The following CAMK2D variants were observed in gnomAD, a reference collection of about 807,000 sequenced individuals.
CAMK2D encodes calcium/calmodulin-dependent protein kinase type II subunit delta.
CAMK2D carries 37 observed loss-of-function variants against 84.0 expected under a neutral mutation model. The observed-to-expected ratio is 0.44, with a 90% confidence interval of 0.34 to 0.58. The LOEUF (loss-of-function observed/expected upper bound fraction) is 0.58. Ranked by LOEUF, CAMK2D falls within the 20% of genes least tolerant of loss-of-function variation. CAMK2D has a pLI of 0.02. For synonymous variants in CAMK2D, 202 were observed against 212.5 expected (o/e 0.95, Z 0.43); for missense variants, 448 against 652.5 (o/e 0.69, Z 3.41).
At chr4:113,639,466 C>A (rs2099123469) in intron 3 of CAMK2D, among the ~76,000 whole-genome samples, 1 of 151,968 alleles carries the variant, frequency 6.6e-6, no homozygotes, top group African/African-American at 2.4e-5. Flanking sequence ...ACCAGAGCCA[C>A]TACTAGCCTG....
intron 13 of CAMK2D, among the ~76,000 whole-genome samples, chr4:113,506,902 C>A (rs946496823): frequency 8.6e-5 from 12 of 139,770 alleles, no homozygotes; most frequent in African/African-American, 2.0e-4. Context: ...CCCCCCCCCA[C>A]ACACACACAC....
At chr4:113,560,279 C>A (rs1249013387) in intron 4 of CAMK2D, among the ~76,000 whole-genome samples, 1 of 151,296 alleles carries the variant, frequency 6.6e-6, no homozygotes, top group African/African-American at 2.4e-5. Context: ...GAGAGTTAAA[C>A]TTTGTCATTA....
At chr4:113,509,401 T>A (rs912168503) in intron 13 of CAMK2D, among the ~76,000 whole-genome samples, 2 of 152,202 alleles carry the variant, frequency 1.3e-5, no homozygotes, top group East Asian at 3.8e-4. Context: ...CTATATTGTA[T>A]AACAACATTA....
chr4:113,498,743 TA>T (rs1359373334), intron 16 of CAMK2D, among the ~76,000 whole-genome samples: 1 of 152,228 alleles, frequency 6.6e-6, no homozygotes, highest in African/African-American at 2.4e-5. Flanking sequence ...CTGATATTAT[TA>T]TTTCATTTTA....
At chr4:113,479,364 T>C (rs532410250) in intron 16 of CAMK2D, among the ~76,000 whole-genome samples, 6 of 152,288 alleles carry the variant, frequency 3.9e-5, no homozygotes, top group South Asian at 4.1e-4. Flanking sequence ...CAGTTGAACA[T>C]ATCCAGAGAT....
At chr4:113,641,250 T>C (rs769327022) in intron 3 of CAMK2D, among the ~76,000 whole-genome samples, 1 of 152,210 alleles carries the variant, frequency 6.6e-6, no homozygotes, top group African/African-American at 2.4e-5. Flanking sequence ...ACATGAACTT[T>C]GGAATCAAAC....
intron 2 of CAMK2D, among the ~76,000 whole-genome samples, chr4:113,755,809 C>T (rs960754196): frequency 6.6e-6 from 1 of 151,948 alleles, no homozygotes; most frequent in Non-Finnish European, 1.5e-5. Context: ...ACTAATCTAA[C>T]TGTGCTTGGG....
intron 20 of CAMK2D, 119 bp downstream of exon 20, chr4:113,455,607 T>C: frequency 1.8e-6 from 1 of 557,336 alleles, no homozygotes; most frequent in Non-Finnish European, 3.2e-6. Context: ...TTCAAAGACC[T>C]TGTGCGTTTT....
chr4:113,580,295 T>C, intron 4 of CAMK2D, among the ~76,000 whole-genome samples: 1 of 152,208 alleles, frequency 6.6e-6, no homozygotes, highest in Non-Finnish European at 1.5e-5. Context: ...TGCTGAGTGT[T>C]CTCAAATACA....
chr4:113,520,844 A>G (rs776733208), intron 8 of CAMK2D, among the ~76,000 whole-genome samples: 4 of 152,086 alleles, frequency 2.6e-5, no homozygotes, highest in Non-Finnish European at 5.9e-5. Flanking sequence ...CCTAGCCAAC[A>G]TAGCAAGACC....
chr4:113,540,033 A>G (rs778847737), intron 6 of CAMK2D, among the ~76,000 whole-genome samples: 1 of 152,164 alleles, frequency 6.6e-6, no homozygotes, highest in Non-Finnish European at 1.5e-5. Context: ...TGATTTCTAT[A>G]TAACTGTTTG....
chr4:113,466,010 G>C (rs1309376443), intron 16 of CAMK2D, among the ~76,000 whole-genome samples: 2 of 152,124 alleles, frequency 1.3e-5, no homozygotes, highest in Non-Finnish European at 2.9e-5. Context: ...CCAGCACTTT[G>C]GGAGGCCGAG....
At position 113,761,123 on chromosome 4, in the gene CAMK2D, C is replaced by A. The variant is rs2099640554; in HGVS notation, c.-55G>T. 1 of 1,611,430 alleles carries A rather than the reference C, an allele frequency of 6.2e-7. No individual in the cohort carries two copies. Among genetic ancestry groups the A allele is most frequent in the Non-Finnish European group, 8.5e-7 (1 of 1,179,816 alleles). ...GCGCGACGGACCAGAAGCGAGCAGACGCGCGGCTAACCCCGGGACTGGCCC... is the reference window on the plus strand; with the variant it reads ...GCGCGACGGACCAGAAGCGAGCAGAAGCGCGGCTAACCCCGGGACTGGCCC... On this transcript the variant is annotated 5_prime_UTR_variant, in exon 1 of 21. Transcript: ENST00000511664.
At chr4:113,688,808 G>A (rs2099367897) in intron 2 of CAMK2D, among the ~76,000 whole-genome samples, 1 of 148,362 alleles carries the variant, frequency 6.7e-6, no homozygotes, top group Non-Finnish European at 1.5e-5. Context: ...AAAGCTAAGA[G>A]AGATTTTTAA....
intron 2 of CAMK2D, among the ~76,000 whole-genome samples, chr4:113,756,843 A>C (rs543002497): frequency 2.6e-5 from 4 of 152,258 alleles, no homozygotes; most frequent in African/African-American, 7.2e-5. Context: ...ATTCAATATG[A>C]GTACAAGTTA....
At chr4:113,758,499 G>A (rs576185119) in intron 2 of CAMK2D, among the ~76,000 whole-genome samples, 5 of 152,064 alleles carry the variant, frequency 3.3e-5, no homozygotes, top group East Asian at 3.8e-4. Flanking sequence ...TGAGATGAGC[G>A]TACACTATGG....
intron 3 of CAMK2D, among the ~76,000 whole-genome samples, chr4:113,620,652 C>T (rs1322403805): frequency 2.0e-5 from 3 of 151,788 alleles, no homozygotes; most frequent in Non-Finnish European, 4.4e-5. Flanking sequence ...GGACTACAGG[C>T]GTGCACCTAC....
At chr4:113,563,406 T>C (rs1190908953) in intron 4 of CAMK2D, among the ~76,000 whole-genome samples, 1 of 152,238 alleles carries the variant, frequency 6.6e-6, no homozygotes, top group Non-Finnish European at 1.5e-5. Context: ...GTGGGTTTTC[T>C]TTCATTGAGA....
chr4:113,502,165 A>C (rs974821230), intron 15 of CAMK2D, among the ~76,000 whole-genome samples: 3 of 152,090 alleles, frequency 2.0e-5, no homozygotes, highest in Admixed American at 6.6e-5. Flanking sequence ...AAGAAATTGG[A>C]CACATGGAAT....
Sources: gnomAD v4.1 joint callset for allele counts (sites outside exome capture counted in the v4.1 genomes callset) on GRCh38, gnomAD v4.1.1 for gene constraint, MANE v1.5 for transcripts, NCBI Gene and HGNC (gene_info 2026-07-23, HGNC 2026-07-21) for gene names.